The following PLCZ1 variants were observed in gnomAD, a reference collection of about 807,000 sequenced individuals.
PLCZ1 encodes 1-phosphatidylinositol 4,5-bisphosphate phosphodiesterase zeta-1.
In PLCZ1, 64 loss-of-function variants were observed where a neutral mutation model predicts 76.8. The ratio of observed to expected loss-of-function variants is 0.83; its 90% CI spans 0.68 to 1.03. The LOEUF is 1.03. Among genes scored for constraint, PLCZ1 ranks in the 50% least tolerant of loss-of-function variants. The probability of loss-of-function intolerance (pLI) is 0.00; values close to 1 mark genes in which losing one functional copy is unlikely to be tolerated. For synonymous variants in PLCZ1, 248 were observed against 230.8 expected, an observed-to-expected ratio of 1.07 and a Z score of -0.68; for missense variants, 751 against 713.7, an observed-to-expected ratio of 1.05 and a Z score of -0.60.
At chr12:18,659,344 C>G in the PLCZ1 span, among the ~76,000 whole-genome samples, 1 of 152,082 alleles carries the variant, frequency 6.6e-6, no homozygotes, top group Non-Finnish European at 1.5e-5. Flanking sequence ...CTGCCCACAG[C>G]CATACGCTTG....
chr12:18,706,053 C>T (rs539610840), intron 6 of PLCZ1, among the ~76,000 whole-genome samples: 1 of 151,778 alleles, frequency 6.6e-6, no homozygotes, highest in South Asian at 2.1e-4. Context: ...ATGGCGAAAC[C>T]CCATCTCTAC....
At chr12:18,680,122 C>T (rs1001457632), downstream of PLCZ1, among the ~76,000 whole-genome samples, 1 of 151,922 alleles carries the variant, frequency 6.6e-6, no homozygotes, top group Non-Finnish European at 1.5e-5. Flanking sequence ...TTTTGCAGTA[C>T]TGAGAAGAAA....
chr12:18,729,501 C>G (rs987746580), intron 3 of PLCZ1, among the ~76,000 whole-genome samples: 1 of 151,966 alleles, frequency 6.6e-6, no homozygotes, highest in African/African-American at 2.4e-5. Flanking sequence ...TACAGAGTGT[C>G]ACCACATACT....
chr12:18,705,337 T>G, intron 6 of PLCZ1, 22 bp from the exon 7 acceptor site: 1 of 1,613,670 alleles, frequency 6.2e-7, no homozygotes, highest in East Asian at 2.2e-5. Context: ...ACCATTACTA[T>G]GGTTATTCAT....
chr12:18,646,742 T>C, the PLCZ1 span, among the ~76,000 whole-genome samples: 3 of 152,126 alleles, frequency 2.0e-5, no homozygotes, highest in African/African-American at 7.2e-5. Flanking sequence ...CTAAGACATT[T>C]CCCTGGTAAC....
intron 11 of PLCZ1, among the ~76,000 whole-genome samples, chr12:18,695,789 T>C (rs1205528350): frequency 1.3e-5 from 2 of 152,136 alleles, no homozygotes; most frequent in Non-Finnish European, 2.9e-5. Flanking sequence ...TCATGTAAAG[T>C]ATAAATGATA....
At chr12:18,700,512 CAAAAAAAA>C (rs11324526) in intron 9 of PLCZ1, among the ~76,000 whole-genome samples, 183 of 67,900 alleles carry the variant, frequency 2.7e-3, no homozygotes, top group African/African-American at 1.0e-2. Flanking sequence ...AGCCAACGTA[CAAAAAAAA>C]AAAAAAAAAA....
chr12:18,701,802 A>G (rs1314210540), intron 7 of PLCZ1, 26 bp from the exon 8 acceptor site: 1 of 1,578,196 alleles, frequency 6.3e-7, no homozygotes, highest in African/African-American at 1.4e-5. Flanking sequence ...GAGAGATACA[A>G]TTACACATTT....
chr12:18,702,192 T>C (rs1956033055), intron 7 of PLCZ1, among the ~76,000 whole-genome samples: 1 of 152,086 alleles, frequency 6.6e-6, no homozygotes, highest in African/African-American at 2.4e-5. Context: ...AAATCAGGTA[T>C]ATTAAAATGT....
chr12:18,708,446 T>C (rs1381276568), intron 6 of PLCZ1, among the ~76,000 whole-genome samples: 1 of 152,226 alleles, frequency 6.6e-6, no homozygotes, highest in Non-Finnish European at 1.5e-5. Flanking sequence ...ATCATGTCTA[T>C]TGTGAACAAT....
the PLCZ1 span, among the ~76,000 whole-genome samples, chr12:18,668,086 A>G: frequency 6.6e-6 from 1 of 152,204 alleles, no homozygotes; most frequent in African/African-American, 2.4e-5. Context: ...TAATTATACT[A>G]AAAGAGTCAC....
At chr12:18,659,275 A>G in the PLCZ1 span, among the ~76,000 whole-genome samples, 13 of 152,322 alleles carry the variant, frequency 8.5e-5, no homozygotes, top group East Asian at 3.9e-4. Context: ...CAAAGAGATA[A>G]ATACTATCAC....
the PLCZ1 span, among the ~76,000 whole-genome samples, chr12:18,665,835 T>C: frequency 6.5e-3 from 983 of 151,396 alleles, 16 homozygotes; most frequent in African/African-American, 0.022. Flanking sequence ...CTTGGGAGGC[T>C]GAGGCAGGGG....
At chr12:18,663,370 T>C in the PLCZ1 span, among the ~76,000 whole-genome samples, 2 of 152,262 alleles carry the variant, frequency 1.3e-5, no homozygotes, top group East Asian at 3.9e-4. Flanking sequence ...TAGCACTTTT[T>C]CCTAAACAAT....
chr12:18,652,276 T>C, the PLCZ1 span, among the ~76,000 whole-genome samples: 1 of 152,098 alleles, frequency 6.6e-6, no homozygotes. Flanking sequence ...AGTATATGAC[T>C]GATATACTTA....
At chr12:18,696,728 T>C (rs1371382182) in intron 10 of PLCZ1, among the ~76,000 whole-genome samples, 1 of 152,068 alleles carries the variant, frequency 6.6e-6, no homozygotes, top group Non-Finnish European at 1.5e-5. Flanking sequence ...GCTAAATTAA[T>C]CCTACTGAAC....
chr12:18,684,401 G>C, intron 13 of PLCZ1, 122 bp from the exon 14 acceptor site: 2 of 897,020 alleles, frequency 2.2e-6, no homozygotes, highest in South Asian at 3.4e-5. Context: ...TGTGTTTAGA[G>C]CACATAGGTT....
intron 4 of PLCZ1, among the ~76,000 whole-genome samples, chr12:18,723,021 G>A (rs1178144735): frequency 1.3e-5 from 2 of 151,898 alleles, no homozygotes; most frequent in East Asian, 3.9e-4. Flanking sequence ...TAGAATCATT[G>A]TCTTACTTTC....
intron 13 of PLCZ1, among the ~76,000 whole-genome samples, chr12:18,686,029 C>T (rs1406371477): frequency 6.6e-6 from 1 of 151,938 alleles, no homozygotes; most frequent in Non-Finnish European, 1.5e-5. Context: ...AAATGTTATC[C>T]TTTTCCTCCC....
Sources: allele counts gnomAD v4.1 joint callset (sites outside exome capture counted in the v4.1 genomes callset), GRCh38; gene constraint gnomAD v4.1.1; transcripts MANE v1.5; gene names NCBI Gene and HGNC (gene_info 2026-07-23, HGNC 2026-07-21).